The following DMD variants were observed in gnomAD, a reference collection of about 807,000 sequenced individuals.
DMD encodes the protein mutant dystrophin.
Under a neutral mutation model 330.1 loss-of-function variants are expected in DMD, and 63 were observed. The ratio of observed to expected loss-of-function variants is 0.19; its 90% CI spans 0.16 to 0.24. The LOEUF (loss-of-function observed/expected upper bound fraction) is 0.24. DMD is among the 10% of genes least tolerant of loss of function. DMD has a pLI of 1.00. For synonymous variants in DMD, 1,223 were observed against 959.8 expected (o/e 1.27, Z -5.07); for missense variants, 3,344 against 2,684.1 (o/e 1.25, Z -5.43).
intron 13 of DMD, among the ~76,000 whole-genome samples, chrX:32,582,215 G>C (rs2053724240): frequency 9.0e-6 from 1 of 111,002 alleles, no homozygotes; most frequent in Non-Finnish European, 1.9e-5. Context: ...AAGGGAGAAA[G>C]AAAACTGTCA....
chrX:33,126,561 G>C (rs2095466390), intron 1 of DMD, among the ~76,000 whole-genome samples: 2 of 111,955 alleles, frequency 1.8e-5, no homozygotes, highest in Admixed American at 1.9e-4. Flanking sequence ...CGTCTTCCAA[G>C]AGTGTGTGGG....
At chrX:32,203,943 T>C (rs1419524540) in intron 44 of DMD, among the ~76,000 whole-genome samples, 1 of 111,787 alleles carries the variant, frequency 8.9e-6, no homozygotes, top group Non-Finnish European at 1.9e-5. Flanking sequence ...TTAATAAATA[T>C]GTTATGTCTC....
At chrX:32,783,244 G>GTGTATATACGTATATACACATATA (rs1569520573) in intron 7 of DMD, among the ~76,000 whole-genome samples, 7 of 95,682 alleles carry the variant, frequency 7.3e-5, no homozygotes, top group Non-Finnish European at 1.3e-4. Context: ...ATACACATAT[G>GTGTATATACGTATATACACATATA]TGTATATACG....
At chrX:31,711,891 C>T (rs753942519) in intron 52 of DMD, among the ~76,000 whole-genome samples, 2 of 111,229 alleles carry the variant, frequency 1.8e-5, no homozygotes, top group East Asian at 5.6e-4. Context: ...TTTTCCTCAT[C>T]TGTAAGAGAT....
chrX:33,132,227 A>T (rs1302533928), intron 1 of DMD, among the ~76,000 whole-genome samples: 6 of 112,100 alleles, frequency 5.4e-5, no homozygotes, highest in Non-Finnish European at 1.1e-4. Context: ...ATGGGGTCAA[A>T]ATTTTACTTC....
At chrX:33,316,431 A>G (rs976678422) in intron 1 of DMD, among the ~76,000 whole-genome samples, 1 of 111,583 alleles carries the variant, frequency 9.0e-6, no homozygotes, top group African/African-American at 3.3e-5. Flanking sequence ...ACACATACAT[A>G]TATGAAAAAT....
chrX:32,901,500 A>G (rs1197438851), intron 2 of DMD, among the ~76,000 whole-genome samples: 1 of 109,107 alleles, frequency 9.2e-6, no homozygotes, highest in East Asian at 2.8e-4. Flanking sequence ...GTTTTTTGAA[A>G]CACAAATTTT....
At chrX:31,628,188 T>A (rs1460392019) in intron 54 of DMD, among the ~76,000 whole-genome samples, 1 of 111,224 alleles carries the variant, frequency 9.0e-6, no homozygotes, top group Non-Finnish European at 1.9e-5. Flanking sequence ...AAGTTCAAAG[T>A]ACCTTTTTTT....
chrX:32,910,994 A>G (rs777159895), intron 2 of DMD, among the ~76,000 whole-genome samples: 1 of 111,697 alleles, frequency 9.0e-6, no homozygotes, highest in East Asian at 2.8e-4. Context: ...CTTCATCAAC[A>G]GTTTGGAAAG....
intron 49 of DMD, among the ~76,000 whole-genome samples, chrX:31,831,829 C>G (rs1393716069): frequency 8.9e-6 from 1 of 112,360 alleles, no homozygotes; most frequent in Non-Finnish European, 1.9e-5. Context: ...GTCTCGATCT[C>G]CTGACTTTGT....
intron 60 of DMD, among the ~76,000 whole-genome samples, chrX:31,366,576 T>C (rs1306857198): frequency 5.8e-5 from 6 of 103,210 alleles, no homozygotes; most frequent in African/African-American, 2.1e-4. Flanking sequence ...AAGTCTAGAG[T>C]TGACAGAGCT....
At position 32,659,342 on chromosome X, in the gene DMD, G is replaced by A. The variant is rs151165061; in HGVS notation, c.961-14190C>T. ...TTTTCCTTATTCCTTAAACAAAGAT[G>A]TGGTATATCCTTCATAAGGGAGAGA... On this transcript the variant is annotated intron_variant, in intron 9 of 78. Transcript: ENST00000357033. 7.3e-3 allele frequency among the ~76,000 whole-genome samples: 813 copies of A among 111,631 alleles called. 8 individuals are homozygous for A. Among genetic ancestry groups the A allele is most frequent in the African/African-American group, 0.025 (770 of 30,746 alleles).
chrX:32,620,333 A>G (rs2057898296), intron 11 of DMD, among the ~76,000 whole-genome samples: 1 of 111,830 alleles, frequency 8.9e-6, no homozygotes, highest in African/African-American at 3.2e-5. Context: ...CAGTAAAATA[A>G]AATATAAAAG....
intron 66 of DMD, among the ~76,000 whole-genome samples, chrX:31,205,313 C>T (rs777210319): frequency 1.9e-4 from 21 of 112,032 alleles, no homozygotes; most frequent in African/African-American, 5.8e-4. Flanking sequence ...TGAGATTGTA[C>T]GCACAGCTTT....
intron 1 of DMD, among the ~76,000 whole-genome samples, chrX:33,292,674 T>C (rs2053529555): frequency 9.1e-6 from 1 of 110,293 alleles, no homozygotes; most frequent in Non-Finnish European, 1.9e-5. Context: ...AGAAGATATA[T>C]AGATGAAGAA....
intron 1 of DMD, among the ~76,000 whole-genome samples, chrX:33,170,610 T>C (rs2049290131): frequency 9.0e-6 from 1 of 111,603 alleles, no homozygotes; most frequent in African/African-American, 3.2e-5. Context: ...ATACTATCAT[T>C]TCAAGATGCA....
intron 2 of DMD, among the ~76,000 whole-genome samples, chrX:32,879,535 C>T (rs755191019): frequency 2.7e-5 from 3 of 112,181 alleles, no homozygotes; most frequent in South Asian, 7.5e-4. Context: ...GACAAGTGAT[C>T]GTCGTTCATT....
chrX:31,266,937 C>A, intron 62 of DMD: 2 of 1,148,036 alleles, frequency 1.7e-6, no homozygotes, highest in Non-Finnish European at 2.3e-6. Flanking sequence ...CGCCCAAGCT[C>A]ACAGCTGAAA....
chrX:32,740,321 G>C (rs1403890721), intron 7 of DMD, among the ~76,000 whole-genome samples: 3 of 110,150 alleles, frequency 2.7e-5, no homozygotes, highest in Non-Finnish European at 5.7e-5. Context: ...ATAATGTAGT[G>C]TATCCTGATT....
Sources: allele counts gnomAD v4.1 joint callset (sites outside exome capture counted in the v4.1 genomes callset), GRCh38; gene constraint gnomAD v4.1.1; transcripts MANE v1.5; gene names NCBI Gene and HGNC (gene_info 2026-07-23, HGNC 2026-07-21).